Variants in SPAG16 observed in about 807,000 individuals in gnomAD.
The protein encoded by SPAG16 is sperm associated antigen 16.
SPAG16 carries 86 observed loss-of-function variants against 80.4 expected under a neutral mutation model. That is an observed-to-expected ratio of 1.07 (90% CI 0.90 to 1.28). The LOEUF (loss-of-function observed/expected upper bound fraction) is 1.28. Ranked by LOEUF, SPAG16 falls within the 50% of genes most tolerant of loss-of-function variation. SPAG16 has a pLI of 0.00. For synonymous variants in SPAG16, 294 were observed against 265.9 expected (o/e 1.11, Z -1.03); for missense variants, 870 against 765.3 (o/e 1.14, Z -1.61).
intron 10 of SPAG16, among the ~76,000 whole-genome samples, chr2:213,669,220 C>A (rs1290628338): frequency 6.6e-6 from 1 of 152,116 alleles, no homozygotes; most frequent in African/African-American, 2.4e-5. Flanking sequence ...ATTGTAGTTG[C>A]CTTAATCCTG....
chr2:213,364,235 G>A (rs4146048), intron 8 of SPAG16, 90 bp downstream of exon 8: 716,548 of 722,046 alleles, frequency 0.99, 355,751 homozygotes, highest in East Asian at 1. Context: ...GATATTTAAA[G>A]GTGAGTAAGT....
chr2:213,407,596 G>GGA (rs66674310), intron 9 of SPAG16, among the ~76,000 whole-genome samples: 2,290 of 101,954 alleles, frequency 0.022, 52 homozygotes, highest in South Asian at 0.046. Flanking sequence ...GAGAGAGACA[G>GGA]GAGAGAGAGA....
intron 10 of SPAG16, among the ~76,000 whole-genome samples, chr2:213,754,546 A>G (rs2068229583): frequency 6.6e-6 from 1 of 152,212 alleles, no homozygotes; most frequent in Non-Finnish European, 1.5e-5. Flanking sequence ...ATGTAAAACA[A>G]TGCAGAAACA....
At chr2:214,254,453 A>T (rs1217352591) in intron 15 of SPAG16, among the ~76,000 whole-genome samples, 2 of 152,122 alleles carry the variant, frequency 1.3e-5, no homozygotes, top group African/African-American at 4.8e-5. Flanking sequence ...ATTTTGAGAT[A>T]CGTTCCGTTA....
chr2:214,113,274 A>T (rs941687386), intron 14 of SPAG16, among the ~76,000 whole-genome samples: 1 of 152,004 alleles, frequency 6.6e-6, no homozygotes. Flanking sequence ...TTCAACCTTG[A>T]TGAATCTGAC....
chr2:213,848,972 A>G (rs950862258), intron 10 of SPAG16, among the ~76,000 whole-genome samples: 9 of 152,190 alleles, frequency 5.9e-5, no homozygotes, highest in Admixed American at 3.9e-4. Context: ...GTTAATTTCA[A>G]TATGTGCCTC....
chr2:213,350,034 AATT>A (rs1209147961), intron 6 of SPAG16, among the ~76,000 whole-genome samples: 1 of 152,214 alleles, frequency 6.6e-6, no homozygotes, highest in Non-Finnish European at 1.5e-5. Flanking sequence ...TACTAGGCTG[AATT>A]ATTCCTTCTG....
At chr2:213,570,819 C>G (rs2059891871) in intron 10 of SPAG16, among the ~76,000 whole-genome samples, 1 of 27,198 alleles carries the variant, frequency 3.7e-5, no homozygotes, top group Non-Finnish European at 5.7e-5. Flanking sequence ...GTTGATCTGT[C>G]TAATGTTGAC....
intron 10 of SPAG16, among the ~76,000 whole-genome samples, chr2:213,502,230 G>C (rs2074771521): frequency 6.6e-6 from 1 of 152,096 alleles, no homozygotes; most frequent in Non-Finnish European, 1.5e-5. Flanking sequence ...GGATCAAGCA[G>C]TCCTCCTGTC....
At position 213,291,181 on chromosome 2, in the gene SPAG16, A is replaced by G. The variant is rs141463058; in HGVS notation, c.137-4883A>G. Among the ~76,000 whole-genome samples the G allele has an allele frequency of 1.8e-4, 27 of 152,262 alleles. No individual in the cohort carries two copies. In the East Asian group the frequency reaches 4.4e-3, roughly 25 times the overall value. On this transcript the variant is annotated intron_variant, in intron 1 of 15. Transcript: ENST00000331683. Reference sequence around the variant, plus strand: ...TCTGCTGCATCTTAATCATATTTCTATAATGCTATTTCCTTTTCTCCTCCA... The same window carrying G: ...TCTGCTGCATCTTAATCATATTTCTGTAATGCTATTTCCTTTTCTCCTCCA...
chr2:214,382,897 C>T lies in SPAG16; in HGVS notation c.1721-27243C>T, dbSNP rs115516880. Among the ~76,000 whole-genome samples the T allele has an allele frequency of 5.3e-3, 810 of 152,162 alleles. 9 individuals are homozygous for T. The highest frequency in any genetic ancestry group is 0.019 in the African/African-American group (783 of 41,506). On this transcript the variant is annotated intron_variant, in intron 15 of 15. Transcript: ENST00000331683. ...TCTCTAAGCATGACTGTTGCTGAAG[C>T]GTTTCATAAAGGAGCTCTGAATGTC...
chr2:213,898,086 T>A (rs1333181054), intron 11 of SPAG16, among the ~76,000 whole-genome samples: 1 of 152,154 alleles, frequency 6.6e-6, no homozygotes, highest in Non-Finnish European at 1.5e-5. Context: ...AGAATCACAG[T>A]AAGGAGATCT....
chr2:213,461,300 T>A (rs1575647650), intron 9 of SPAG16, among the ~76,000 whole-genome samples: 2 of 152,314 alleles, frequency 1.3e-5, no homozygotes, highest in African/African-American at 4.8e-5. Flanking sequence ...TAGGGTGTTA[T>A]ATTTATTGGA....
intron 10 of SPAG16, among the ~76,000 whole-genome samples, chr2:213,601,770 A>G (rs2061071189): frequency 6.6e-6 from 1 of 152,366 alleles, no homozygotes; most frequent in South Asian, 2.1e-4. Flanking sequence ...AATTGCCTAT[A>G]GCATTCAGTA....
intron 14 of SPAG16, among the ~76,000 whole-genome samples, chr2:214,116,644 C>G (rs547883364): frequency 1.3e-5 from 2 of 152,266 alleles, no homozygotes; most frequent in Non-Finnish European, 1.5e-5. Flanking sequence ...CCTGTGTGGG[C>G]CACTGGAAAA....
intron 12 of SPAG16, among the ~76,000 whole-genome samples, chr2:213,986,891 C>CAAAAAAAAAAAAAAAAAA (rs369965944): frequency 1.7e-5 from 1 of 57,640 alleles, no homozygotes; most frequent in African/African-American, 5.2e-5. Context: ...TCTGGTATAG[C>CAAAAAAAAAAAAAAAAAA]AAAAAAAAAA....
At chr2:213,897,565 A>C (rs2077044018) in intron 11 of SPAG16, among the ~76,000 whole-genome samples, 1 of 151,670 alleles carries the variant, frequency 6.6e-6, no homozygotes. Flanking sequence ...TTATGGTTTC[A>C]TCTTTAAGCT....
chr2:213,297,467 A>G, intron 3 of SPAG16, 110 bp downstream of exon 3: 1 of 562,628 alleles, frequency 1.8e-6, no homozygotes, highest in Non-Finnish European at 3.1e-6. Flanking sequence ...CATCTGTTAT[A>G]TCATTTTCAT....
At chr2:213,366,264 G>A (rs1381745712) in intron 8 of SPAG16, among the ~76,000 whole-genome samples, 3 of 151,756 alleles carry the variant, frequency 2.0e-5, no homozygotes, top group Non-Finnish European at 4.4e-5. Flanking sequence ...TTAAACAAAT[G>A]ATGGCCCCAA....
Sources: gnomAD v4.1 joint callset for allele counts (sites outside exome capture counted in the v4.1 genomes callset) on GRCh38, gnomAD v4.1.1 for gene constraint, MANE v1.5 for transcripts, NCBI Gene and HGNC (gene_info 2026-07-23, HGNC 2026-07-21) for gene names.